PAWR: variants seen among roughly 807,000 people sequenced by gnomAD.
PAWR encodes the protein PRKC apoptosis WT1 regulator protein.
Under a neutral mutation model 32.0 loss-of-function variants are expected in PAWR, and 23 were observed. The observed-to-expected ratio is 0.72, with a 90% CI of 0.52 to 1.02. The LOEUF (loss-of-function observed/expected upper bound fraction) is 1.02, where lower values mean the gene tolerates loss of function less well. Ranked by LOEUF, PAWR falls within the 50% of genes least tolerant of loss-of-function variation. The probability of loss-of-function intolerance (pLI) is 0.00; values close to 1 mark genes in which losing one functional copy is unlikely to be tolerated. For missense variants in PAWR, 457 were observed against 437.7 expected (o/e 1.04, Z -0.39); for synonymous variants, 226 against 187.1 (o/e 1.21, Z -1.70).
intron 2 of PAWR, among the ~76,000 whole-genome samples, chr12:79,657,686 C>T (rs1006969447): frequency 2.0e-5 from 3 of 151,556 alleles, no homozygotes; most frequent in African/African-American, 2.4e-5. Flanking sequence ...CCCAGCGACT[C>T]GGGAGGCTGA....
At chr12:79,625,296 T>C (rs1309887879) in intron 2 of PAWR, among the ~76,000 whole-genome samples, 2 of 151,956 alleles carry the variant, frequency 1.3e-5, no homozygotes, top group East Asian at 1.9e-4. Context: ...ACATGCATAA[T>C]TGGGGTCTCA....
At chr12:79,657,201 A>T (rs1877130604) in intron 2 of PAWR, among the ~76,000 whole-genome samples, 1 of 152,186 alleles carries the variant, frequency 6.6e-6, no homozygotes, top group Admixed American at 6.5e-5. Flanking sequence ...CATTTATATA[A>T]AATTCTAGAA....
intron 2 of PAWR, among the ~76,000 whole-genome samples, chr12:79,645,700 G>T (rs989226275): frequency 6.6e-6 from 1 of 152,206 alleles, no homozygotes; most frequent in Middle Eastern, 3.4e-3. Context: ...AATTAATAGA[G>T]ATCTTGGTAA....
chr12:79,677,406 A>G (rs1878222394), intron 2 of PAWR, among the ~76,000 whole-genome samples: 1 of 152,220 alleles, frequency 6.6e-6, no homozygotes, highest in Non-Finnish European at 1.5e-5. Context: ...TGATTATGAA[A>G]CAAAAGTGTT....
At chr12:79,682,920 C>T (rs1316013000) in intron 2 of PAWR, among the ~76,000 whole-genome samples, 3 of 152,134 alleles carry the variant, frequency 2.0e-5, no homozygotes, top group Non-Finnish European at 4.4e-5. Flanking sequence ...ATGGCAAACA[C>T]AATGCTTTAA....
chr12:79,596,270 G>T (rs1565995978), intron 5 of PAWR, among the ~76,000 whole-genome samples: 1 of 152,098 alleles, frequency 6.6e-6, no homozygotes, highest in Non-Finnish European at 1.5e-5. Flanking sequence ...AATTTGTAAA[G>T]TTACAAATGA....
chr12:79,608,560 T>C (rs1288708440), intron 4 of PAWR, among the ~76,000 whole-genome samples: 1 of 152,180 alleles, frequency 6.6e-6, no homozygotes, highest in Non-Finnish European at 1.5e-5. Flanking sequence ...GTCCACACCC[T>C]GAGGGGTGGG....
At chr12:79,675,986 G>T (rs1878145904) in intron 2 of PAWR, among the ~76,000 whole-genome samples, 1 of 151,670 alleles carries the variant, frequency 6.6e-6, no homozygotes, top group Non-Finnish European at 1.5e-5. Context: ...AAGCACAGGA[G>T]AAAGAAGTGA....
intron 2 of PAWR, among the ~76,000 whole-genome samples, chr12:79,687,219 A>T (rs569244260): frequency 6.6e-6 from 1 of 152,192 alleles, no homozygotes; most frequent in African/African-American, 2.4e-5. Flanking sequence ...CCTACCTCCC[A>T]AATAGCTAGT....
chr12:79,682,561 T>C (rs1333236587), intron 2 of PAWR, among the ~76,000 whole-genome samples: 3 of 152,230 alleles, frequency 2.0e-5, no homozygotes, highest in Admixed American at 6.5e-5. Flanking sequence ...ATAAACATTT[T>C]ACTAGTCAAC....
Position 79,602,264 on chromosome 12 carries a change from T to C in PAWR, c.684-5606A>G, listed in dbSNP as rs559300997. Among the ~76,000 whole-genome samples the C allele has an allele frequency of 2.6e-5, 4 of 152,318 alleles. No homozygotes were observed. The East Asian group carries it at 7.7e-4, about 29-fold the overall frequency. On this transcript the variant is annotated intron_variant, in intron 4 of 6. Transcript: ENST00000328827. ...TGTTTTTCAAATAAAAAGGTAAATA[T>C]GAATAAAAGTTCCAATATTTTCCTC...
chr12:79,669,357 C>A (rs920835168), intron 2 of PAWR, among the ~76,000 whole-genome samples: 1 of 152,224 alleles, frequency 6.6e-6, no homozygotes, highest in East Asian at 1.9e-4. Flanking sequence ...AGGGCCATGT[C>A]TATTCTCAGG....
At chr12:79,626,072 G>A (rs1417667731) in intron 2 of PAWR, among the ~76,000 whole-genome samples, 9 of 143,122 alleles carry the variant, frequency 6.3e-5, no homozygotes, top group African/African-American at 1.0e-4. Context: ...GCTGAGGCAG[G>A]AGAATGGAGT....
intron 6 of PAWR, 138 bp downstream of exon 6, chr12:79,594,191 G>T: frequency 1.9e-6 from 1 of 528,868 alleles, no homozygotes. Context: ...GGAAGAAAAT[G>T]ATACCTCTTA....
chr12:79,684,550 G>T (rs961711162), intron 2 of PAWR, among the ~76,000 whole-genome samples: 2 of 151,866 alleles, frequency 1.3e-5, no homozygotes, highest in Admixed American at 6.6e-5. Context: ...GGTGGAGGCT[G>T]CAGTGAGCTG....
At chr12:79,604,410 T>G in intron 4 of PAWR, 1 of 1,026,850 alleles carries the variant, frequency 9.7e-7, no homozygotes, top group Non-Finnish European at 1.2e-6. Flanking sequence ...AAAATTACAC[T>G]ATTATTCTAA....
intron 2 of PAWR, among the ~76,000 whole-genome samples, chr12:79,682,769 C>G (rs1253918937): frequency 6.6e-6 from 1 of 152,180 alleles, no homozygotes; most frequent in East Asian, 1.9e-4. Flanking sequence ...ACACATTTGC[C>G]TAAGATCTAA....
At chr12:79,688,957 T>G (rs908710543) in intron 2 of PAWR, among the ~76,000 whole-genome samples, 1 of 152,190 alleles carries the variant, frequency 6.6e-6, no homozygotes, top group Non-Finnish European at 1.5e-5. Flanking sequence ...GTTTTACCAG[T>G]CACTCTAATG....
intron 4 of PAWR, among the ~76,000 whole-genome samples, chr12:79,610,674 T>C (rs920642288): frequency 1.3e-5 from 2 of 151,148 alleles, no homozygotes; most frequent in South Asian, 2.1e-4. Flanking sequence ...GCCTCTAATC[T>C]CAGTACTTTG....
Sources: allele counts gnomAD v4.1 joint callset (sites outside exome capture counted in the v4.1 genomes callset), GRCh38; gene constraint gnomAD v4.1.1; transcripts MANE v1.5; gene names NCBI Gene and HGNC (gene_info 2026-07-23, HGNC 2026-07-21).